DNAJC24: variants seen among roughly 807,000 people sequenced by gnomAD.
DNAJC24 encodes the protein dnaJ homolog subfamily C member 24.
In DNAJC24, 17 loss-of-function variants were observed where a neutral mutation model predicts 18.0. The ratio of observed to expected loss-of-function variants is 0.94; its 90% CI spans 0.65 to 1.42. The LOEUF is 1.42. Among genes scored for constraint, DNAJC24 ranks in the 40% most tolerant of loss-of-function variants. DNAJC24 has a pLI of 0.00. For missense variants in DNAJC24, 158 were observed against 175.6 expected (o/e 0.90, Z 0.57); for synonymous variants, 55 against 57.7 (o/e 0.95, Z 0.21).
At chr11:31,391,272 C>G (rs1377385306) in intron 2 of DNAJC24, among the ~76,000 whole-genome samples, 1 of 152,130 alleles carries the variant, frequency 6.6e-6, no homozygotes, top group African/African-American at 2.4e-5. Flanking sequence ...AACTGAAAGG[C>G]TTTCCTCTAA....
intron 2 of DNAJC24, among the ~76,000 whole-genome samples, chr11:31,391,888 A>AT (rs1238981381): frequency 2.0e-5 from 3 of 152,214 alleles, no homozygotes; most frequent in Admixed American, 2.0e-4. Context: ...TAAAAAATGT[A>AT]TATATACACA....
At chr11:31,429,035 T>G (rs552938223) in intron 4 of DNAJC24, among the ~76,000 whole-genome samples, 2 of 152,260 alleles carry the variant, frequency 1.3e-5, no homozygotes, top group African/African-American at 4.8e-5. Flanking sequence ...AATATGTATC[T>G]TTTTAGACAA....
chr11:31,418,575 AT>A (rs1310475053), intron 3 of DNAJC24, among the ~76,000 whole-genome samples: 1 of 152,126 alleles, frequency 6.6e-6, no homozygotes, highest in East Asian at 1.9e-4. Context: ...AGATTAAATA[AT>A]GTTTAAAAGA....
At chr11:31,395,002 T>C (rs1952531741) in intron 2 of DNAJC24, among the ~76,000 whole-genome samples, 1 of 152,182 alleles carries the variant, frequency 6.6e-6, no homozygotes, top group South Asian at 2.1e-4. Flanking sequence ...TACCCCCAAT[T>C]GGTAATTTGT....
chr11:31,396,968 T>TCCTTC (rs1383081630), intron 2 of DNAJC24, among the ~76,000 whole-genome samples: 3 of 152,176 alleles, frequency 2.0e-5, no homozygotes, highest in Non-Finnish European at 4.4e-5. Flanking sequence ...GGAATACCTT[T>TCCTTC]CCTTCCCAAT....
chr11:31,413,352 A>G (rs1350420084), intron 2 of DNAJC24, among the ~76,000 whole-genome samples: 5 of 123,120 alleles, frequency 4.1e-5, no homozygotes, highest in Non-Finnish European at 8.1e-5. Flanking sequence ...TTTTTTTGAG[A>G]CGGAGTCTTG....
chr11:31,383,480 C>G lies in DNAJC24; in HGVS notation c.111+12621C>G, dbSNP rs1382711981. 2.0e-5 allele frequency among the ~76,000 whole-genome samples: 3 copies of G among 152,168 alleles called. No homozygotes were observed. In the East Asian group the frequency reaches 5.8e-4, roughly 29 times the overall value. On this transcript the variant is annotated intron_variant, in intron 2 of 4. Transcript: ENST00000465995. The stretch of plus-strand genomic sequence containing the variant: ...ATATTATAATATTATAGGTTATATT[C>G]ATGAAACTTCAGATACTGTACTTCA...
chr11:31,405,474 A>G (rs1952648457), intron 2 of DNAJC24, among the ~76,000 whole-genome samples: 1 of 151,378 alleles, frequency 6.6e-6, no homozygotes, highest in South Asian at 2.1e-4. Context: ...AATACCACAG[A>G]CTAGCTAATC....
intron 2 of DNAJC24, among the ~76,000 whole-genome samples, chr11:31,392,903 C>T (rs77353231): frequency 0.02 from 2,991 of 152,082 alleles, 85 homozygotes; most frequent in African/African-American, 0.068. Flanking sequence ...CCCACCTTGG[C>T]CTCTGAAAGT....
At chr11:31,406,026 C>T (rs969496061) in intron 2 of DNAJC24, among the ~76,000 whole-genome samples, 6 of 152,188 alleles carry the variant, frequency 3.9e-5, no homozygotes, top group African/African-American at 1.4e-4. Context: ...CCTCCTAGTA[C>T]TGTCACAATG....
chr11:31,385,481 C>T (rs1402014434), intron 2 of DNAJC24, among the ~76,000 whole-genome samples: 2 of 152,144 alleles, frequency 1.3e-5, no homozygotes, highest in Non-Finnish European at 2.9e-5. Flanking sequence ...TTGTGTTAAA[C>T]TGTATGAAGA....
intron 2 of DNAJC24, among the ~76,000 whole-genome samples, chr11:31,410,018 G>A (rs1188029462): frequency 6.6e-6 from 1 of 151,446 alleles, no homozygotes; most frequent in Non-Finnish European, 1.5e-5. Flanking sequence ...TGGGTAGCTG[G>A]GACTACTGGT....
chr11:31,402,510 T>G (rs1952609192), intron 2 of DNAJC24, among the ~76,000 whole-genome samples: 1 of 152,168 alleles, frequency 6.6e-6, no homozygotes. Flanking sequence ...TTTACAAAGT[T>G]TTTTAAAAAA....
chr11:31,404,634 T>G (rs970725241), intron 2 of DNAJC24, among the ~76,000 whole-genome samples: 1 of 152,200 alleles, frequency 6.6e-6, no homozygotes. Context: ...TCTGAAGAAA[T>G]GAGTTTTTAT....
At chr11:31,396,851 CAA>C (rs1952546141) in intron 2 of DNAJC24, among the ~76,000 whole-genome samples, 1 of 152,122 alleles carries the variant, frequency 6.6e-6, no homozygotes. Context: ...TTTCCCTATC[CAA>C]CCATTCTTTC....
chr11:31,399,052 A>T (rs1037767383), intron 2 of DNAJC24, among the ~76,000 whole-genome samples: 23 of 152,106 alleles, frequency 1.5e-4, no homozygotes, highest in Non-Finnish European at 1.5e-5. Flanking sequence ...ATCATCAAAG[A>T]CTTATTTGAT....
At chr11:31,370,667 T>G in intron 1 of DNAJC24, 49 bp from the exon 2 acceptor site, 1 of 895,658 alleles carries the variant, frequency 1.1e-6, no homozygotes, top group Non-Finnish European at 1.7e-6. Context: ...TAATTTTTTC[T>G]TAGATACATG....
intron 3 of DNAJC24, 34 bp from the exon 4 acceptor site, chr11:31,426,232 GTTACAATTAAAGTATCATGTT>G (rs1952859826): frequency 8.6e-7 from 1 of 1,164,000 alleles, no homozygotes; most frequent in East Asian, 2.5e-5. Context: ...ATTCTTCAAG[GTTACAATTAAAGTATCATGTT>G]TTACAATTAA....
At chr11:31,419,377 A>G (rs921433093) in intron 3 of DNAJC24, among the ~76,000 whole-genome samples, 3 of 152,076 alleles carry the variant, frequency 2.0e-5, no homozygotes, top group African/African-American at 4.8e-5. Flanking sequence ...AGAAGACAGT[A>G]TAGATAAAAC....
Sources: allele counts gnomAD v4.1 joint callset (sites outside exome capture counted in the v4.1 genomes callset), GRCh38; gene constraint gnomAD v4.1.1; transcripts MANE v1.5; gene names NCBI Gene and HGNC (gene_info 2026-07-23, HGNC 2026-07-21).